GRIN3A: variants seen among roughly 807,000 people sequenced by gnomAD.
The protein encoded by GRIN3A is glutamate receptor ionotropic, NMDA 3A.
In GRIN3A, 47 loss-of-function variants were observed where a neutral mutation model predicts 92.4. That is an observed-to-expected ratio of 0.51 (90% CI 0.40 to 0.65). The LOEUF is 0.65. Among genes scored for constraint, GRIN3A ranks in the 30% least tolerant of loss-of-function variants. The probability of loss-of-function intolerance (pLI) is 0.00; values close to 1 mark genes in which losing one functional copy is unlikely to be tolerated. For synonymous variants in GRIN3A, 527 were observed against 540.6 expected, an observed-to-expected ratio of 0.97 and a Z score of 0.35; for missense variants, 1,324 against 1,393.1, an observed-to-expected ratio of 0.95 and a Z score of 0.79.
chr9:101,654,745 C>T (rs893537103), intron 3 of GRIN3A, among the ~76,000 whole-genome samples: 11 of 151,794 alleles, frequency 7.2e-5, no homozygotes, highest in Non-Finnish European at 1.5e-4. Flanking sequence ...GTGTTCCTCA[C>T]ATCAAGCCCA....
chr9:101,645,556 G>A (rs896277683), intron 3 of GRIN3A, among the ~76,000 whole-genome samples: 5 of 151,466 alleles, frequency 3.3e-5, no homozygotes, highest in African/African-American at 4.8e-5. Context: ...GATCAGCAGC[G>A]GATTGCTAGA....
chr9:101,708,028 G>C (rs911978740), intron 1 of GRIN3A, among the ~76,000 whole-genome samples: 2 of 152,120 alleles, frequency 1.3e-5, no homozygotes, highest in South Asian at 4.1e-4. Context: ...AGGTCTGTGG[G>C]GGGTAAGGGC....
At chr9:101,699,309 C>T (rs373811298) in intron 1 of GRIN3A, among the ~76,000 whole-genome samples, 2 of 152,052 alleles carry the variant, frequency 1.3e-5, no homozygotes, top group African/African-American at 4.8e-5. Context: ...TGTCATTGCC[C>T]ATGATAAAAA....
At chr9:101,603,998 C>A (rs921709138) in intron 6 of GRIN3A, among the ~76,000 whole-genome samples, 1 of 152,164 alleles carries the variant, frequency 6.6e-6, no homozygotes, top group African/African-American at 2.4e-5. Context: ...GCCCCTGTGG[C>A]GGTGTGGAAT....
intron 2 of GRIN3A, among the ~76,000 whole-genome samples, chr9:101,683,370 C>A (rs1434020828): frequency 6.6e-6 from 1 of 152,178 alleles, no homozygotes; most frequent in African/African-American, 2.4e-5. Context: ...GAAGTGGGGG[C>A]AGCCTTACAA....
intron 6 of GRIN3A, among the ~76,000 whole-genome samples, chr9:101,596,480 T>C (rs1828135030): frequency 6.6e-6 from 1 of 152,214 alleles, no homozygotes; most frequent in Non-Finnish European, 1.5e-5. Context: ...ATGCCTAAAA[T>C]CAGTGTTGGT....
At chr9:101,578,212 G>A (rs148058400) in intron 7 of GRIN3A, among the ~76,000 whole-genome samples, 206 of 152,244 alleles carry the variant, frequency 1.4e-3, no homozygotes, top group Admixed American at 2.0e-3. Flanking sequence ...AAGAAGGGAA[G>A]GAGGACTCTT....
At chr9:101,714,295 A>G (rs1249347583) in intron 1 of GRIN3A, among the ~76,000 whole-genome samples, 7 of 152,220 alleles carry the variant, frequency 4.6e-5, no homozygotes, top group Admixed American at 4.6e-4. Flanking sequence ...GAATGAAAAG[A>G]AAGTGTGATA....
rs1332461912 is a variant in GRIN3A at position 101,670,955 on chromosome 9, C to T, written c.1457G>A (p.Gly486Glu). ...TCCATAGTCCATGACAATCTTTCCC[C>T]CCTGCCAGCTGCCCAAGCGGGTCCA... ...PMWTRLGSWQ[G>E]GKIVMDYGIW... Residue 486 changes from glycine to glutamate, a missense_variant, in exon 3 of 9, where the codon GGG becomes GAG. By Grantham distance (98) the Gly-to-Glu change is moderately conservative. Coordinates refer to ENST00000361820, the MANE Select transcript of GRIN3A (RefSeq NM_133445.3). The T allele has an allele frequency of 1.2e-6, 2 of 1,613,998 alleles. No individual in the cohort carries two copies. Among genetic ancestry groups the T allele is most frequent in the East Asian group, 2.2e-5 (1 of 44,858 alleles).
chr9:101,593,522 C>G (rs756007519), intron 6 of GRIN3A: 1 of 152,306 alleles, frequency 6.6e-6, no homozygotes, highest in Non-Finnish European at 1.5e-5. Flanking sequence ...TCTACTGCCT[C>G]TCCTCCGTAG....
chr9:101,731,280 G>T (rs2119043990), intron 1 of GRIN3A, among the ~76,000 whole-genome samples: 1 of 151,306 alleles, frequency 6.6e-6, no homozygotes, highest in East Asian at 1.9e-4. Flanking sequence ...CTATTAGTCT[G>T]TTTTTCTTCT....
At chr9:101,579,560 G>C (rs901962600) in intron 6 of GRIN3A, among the ~76,000 whole-genome samples, 200 bp from the exon 7 acceptor site, 1 of 151,888 alleles carries the variant, frequency 6.6e-6, no homozygotes, top group African/African-American at 2.4e-5. Context: ...GGGCTGCCGA[G>C]GAGCACCCAA....
chr9:101,630,648 T>G (rs1564130713), intron 3 of GRIN3A, among the ~76,000 whole-genome samples: 1 of 152,194 alleles, frequency 6.6e-6, no homozygotes, highest in Non-Finnish European at 1.5e-5. Flanking sequence ...CTGTCTGGAT[T>G]TGCTACTTGT....
chr9:101,712,207 T>C (rs1829887207), intron 1 of GRIN3A, among the ~76,000 whole-genome samples: 1 of 152,236 alleles, frequency 6.6e-6, no homozygotes. Context: ...ATTCTTTTCA[T>C]TAAAATTTCA....
intron 2 of GRIN3A, 103 bp downstream of exon 2, chr9:101,686,493 A>C (rs1340843403): frequency 8.0e-7 from 1 of 1,250,322 alleles, no homozygotes; most frequent in Non-Finnish European, 1.2e-6. Context: ...TTAAAGTTTA[A>C]AGCTACTCAG....
intron 3 of GRIN3A, among the ~76,000 whole-genome samples, chr9:101,662,957 T>C (rs1323418): frequency 0.34 from 51,108 of 151,742 alleles, 9,485 homozygotes; most frequent in Non-Finnish European, 0.42. Context: ...TATGACATTC[T>C]TTGGATTTTT....
At chr9:101,601,369 A>G (rs73507302) in intron 6 of GRIN3A, among the ~76,000 whole-genome samples, 3,249 of 152,316 alleles carry the variant, frequency 0.021, 122 homozygotes, top group African/African-American at 0.074. Context: ...ATCTGGCATT[A>G]TGGGTAGATT....
chr9:101,719,206 C>G (rs1202476412), intron 1 of GRIN3A, among the ~76,000 whole-genome samples: 1 of 152,098 alleles, frequency 6.6e-6, no homozygotes, highest in African/African-American at 2.4e-5. Context: ...ATCACAAGGT[C>G]AGGAGTTTGA....
At chr9:101,637,671 T>C (rs553715441) in intron 3 of GRIN3A, among the ~76,000 whole-genome samples, 1 of 152,336 alleles carries the variant, frequency 6.6e-6, no homozygotes, top group African/African-American at 2.4e-5. Flanking sequence ...ATAAGCAATA[T>C]TTGTTACAAT....
Sources: allele counts gnomAD v4.1 joint callset (sites outside exome capture counted in the v4.1 genomes callset), GRCh38; gene constraint gnomAD v4.1.1; transcripts MANE v1.5; gene names NCBI Gene and HGNC (gene_info 2026-07-23, HGNC 2026-07-21).